Variants in SPIDR observed in about 807,000 individuals in gnomAD.
SPIDR encodes the protein DNA repair-scaffolding protein.
Under a neutral mutation model 104.6 loss-of-function variants are expected in SPIDR, and 93 were observed. The observed-to-expected ratio is 0.89, with a 90% CI of 0.75 to 1.06. The LOEUF is 1.06. Among genes scored for constraint, SPIDR ranks in the 50% least tolerant of loss-of-function variants. The pLI, the probability that SPIDR is intolerant of heterozygous loss-of-function variation, is 0.00. For missense variants in SPIDR, 1,154 were observed against 1,111.2 expected (o/e 1.04, Z -0.55); for synonymous variants, 431 against 416.9 (o/e 1.03, Z -0.41).
At chr8:47,504,318 G>T (rs1187397352) in intron 8 of SPIDR, among the ~76,000 whole-genome samples, 1 of 152,094 alleles carries the variant, frequency 6.6e-6, no homozygotes, top group Non-Finnish European at 1.5e-5. Context: ...ATATTTCTTG[G>T]AGGCTTTGTT....
At chr8:47,642,548 T>A (rs932365679) in intron 10 of SPIDR, among the ~76,000 whole-genome samples, 4 of 152,206 alleles carry the variant, frequency 2.6e-5, no homozygotes, top group African/African-American at 9.6e-5. Flanking sequence ...TGTCATAAAC[T>A]CTTCTAAAGT....
chr8:47,539,451 T>C (rs991826531), intron 8 of SPIDR, among the ~76,000 whole-genome samples: 1 of 152,212 alleles, frequency 6.6e-6, no homozygotes, highest in African/African-American at 2.4e-5. Flanking sequence ...GCTGAGACTT[T>C]TCAATGTTAT....
chr8:47,458,070 A>T (rs982319565), intron 8 of SPIDR, among the ~76,000 whole-genome samples: 7 of 152,088 alleles, frequency 4.6e-5, no homozygotes, highest in Non-Finnish European at 7.4e-5. Flanking sequence ...TGCTTTGGCT[A>T]TGTGGGCTCT....
At chr8:47,271,888 A>C (rs922122851) in intron 1 of SPIDR, among the ~76,000 whole-genome samples, 1 of 152,136 alleles carries the variant, frequency 6.6e-6, no homozygotes, top group Non-Finnish European at 1.5e-5. Context: ...CCCGGGTTCA[A>C]GCTATTCACC....
At chr8:47,282,671 A>C (rs2038019615) in intron 2 of SPIDR, among the ~76,000 whole-genome samples, 1 of 152,222 alleles carries the variant, frequency 6.6e-6, no homozygotes, top group Admixed American at 6.5e-5. Flanking sequence ...TCTATTAGCA[A>C]TAATGCTGTC....
At position 47,680,114 on chromosome 8, in the gene SPIDR, G is replaced by A. The variant is rs560280821; in HGVS notation, c.1685+6173G>A. On this transcript the variant is annotated intron_variant, in intron 11 of 19. Transcript: ENST00000297423. ...CATGTGCCTCTGGACACAGACCCTCGGTGTCCTCACTAATTTAAGGGAAAG... is the reference window on the plus strand; with the variant it reads ...CATGTGCCTCTGGACACAGACCCTCAGTGTCCTCACTAATTTAAGGGAAAG... Among the ~76,000 whole-genome samples, 8 of 152,266 alleles carry A rather than the reference G, an allele frequency of 5.3e-5. No homozygotes were observed. In the East Asian group the frequency reaches 1.2e-3, roughly 22 times the overall value.
intron 8 of SPIDR, among the ~76,000 whole-genome samples, chr8:47,565,637 C>T (rs904522804): frequency 2.3e-4 from 35 of 151,712 alleles, no homozygotes; most frequent in Non-Finnish European, 8.8e-5. Context: ...ATAGTCTTTA[C>T]TCATTTGTAT....
At chr8:47,343,579 G>T (rs28408352) in intron 5 of SPIDR, among the ~76,000 whole-genome samples, 4,178 of 152,258 alleles carry the variant, frequency 0.027, 202 homozygotes, top group African/African-American at 0.094. Flanking sequence ...AAGCTGCCTG[G>T]GGTGGATGGA....
intron 7 of SPIDR, among the ~76,000 whole-genome samples, chr8:47,421,882 A>T (rs1554681004): frequency 6.6e-6 from 1 of 152,178 alleles, no homozygotes. Context: ...TCCACTCCAG[A>T]CCCTGATTGC....
chr8:47,401,143 A>G (rs2061827951), intron 6 of SPIDR, among the ~76,000 whole-genome samples: 1 of 152,236 alleles, frequency 6.6e-6, no homozygotes, highest in African/African-American at 2.4e-5. Flanking sequence ...ATCTCTCGGC[A>G]GACACTCTAG....
chr8:47,649,843 TAAA>T (rs1219782821), intron 10 of SPIDR, among the ~76,000 whole-genome samples: 1 of 151,892 alleles, frequency 6.6e-6, no homozygotes, highest in African/African-American at 2.4e-5. Context: ...ATTAACAAAA[TAAA>T]AAAACAAAAA....
chr8:47,499,599 A>G (rs929487597), intron 8 of SPIDR, among the ~76,000 whole-genome samples: 8 of 148,548 alleles, frequency 5.4e-5, no homozygotes, highest in Non-Finnish European at 5.9e-5. Flanking sequence ...TACTAGACTC[A>G]TTTAGCCATC....
chr8:47,483,096 C>G (rs1221022455), intron 8 of SPIDR, among the ~76,000 whole-genome samples: 2 of 152,090 alleles, frequency 1.3e-5, no homozygotes, highest in East Asian at 3.9e-4. Context: ...AGAGACCGTG[C>G]TCTTTCCCAT....
At chr8:47,482,363 A>C (rs2076991919) in intron 8 of SPIDR, among the ~76,000 whole-genome samples, 1 of 152,000 alleles carries the variant, frequency 6.6e-6, no homozygotes, top group Non-Finnish European at 1.5e-5. Context: ...TGAGCCCGGG[A>C]GCTGGAGGTT....
intron 8 of SPIDR, among the ~76,000 whole-genome samples, chr8:47,452,400 A>G (rs1200170746): frequency 6.6e-6 from 1 of 152,184 alleles, no homozygotes; most frequent in Non-Finnish European, 1.5e-5. Context: ...CCTGGCAGAG[A>G]CACAACAAAA....
At chr8:47,590,190 A>G (rs996248538) in intron 8 of SPIDR, among the ~76,000 whole-genome samples, 1 of 151,604 alleles carries the variant, frequency 6.6e-6, no homozygotes, top group Non-Finnish European at 1.5e-5. Flanking sequence ...AAAAAAAAAA[A>G]TTATTTCTTT....
At chr8:47,338,248 C>G (rs1453775623) in intron 5 of SPIDR, among the ~76,000 whole-genome samples, 6 of 152,056 alleles carry the variant, frequency 3.9e-5, no homozygotes, top group Non-Finnish European at 8.8e-5. Flanking sequence ...CTGAAGATTT[C>G]AAGATGGGAC....
chr8:47,454,526 C>T (rs903583384), intron 8 of SPIDR, among the ~76,000 whole-genome samples: 3 of 151,952 alleles, frequency 2.0e-5, no homozygotes, highest in African/African-American at 7.2e-5. Flanking sequence ...AGGAGATATA[C>T]CTAATGTAAA....
intron 8 of SPIDR, among the ~76,000 whole-genome samples, chr8:47,447,340 A>C (rs1252404706): frequency 6.6e-6 from 1 of 151,968 alleles, no homozygotes; most frequent in African/African-American, 2.4e-5. Context: ...CAGCCTCCCT[A>C]GTAGCTGGGA....
Sources: gnomAD v4.1 joint callset for allele counts (sites outside exome capture counted in the v4.1 genomes callset) on GRCh38, gnomAD v4.1.1 for gene constraint, MANE v1.5 for transcripts, NCBI Gene and HGNC (gene_info 2026-07-23, HGNC 2026-07-21) for gene names.